Variants in AKR1C3 observed in about 807,000 individuals in gnomAD.
AKR1C3 encodes the protein aldo-keto reductase family 1 member C3, also known as 3-alpha hydroxysteroid dehydrogenase, type II.
AKR1C3 carries 48 observed loss-of-function variants against 43.6 expected under a neutral mutation model. That is an observed-to-expected ratio of 1.10 (90% CI 0.87 to 1.40). The LOEUF is 1.40. Among genes scored for constraint, AKR1C3 ranks in the 40% most tolerant of loss-of-function variants. AKR1C3 has a pLI of 0.00. For missense variants in AKR1C3, 482 were observed against 391.2 expected (o/e 1.23, Z -1.96); for synonymous variants, 162 against 139.6 (o/e 1.16, Z -1.13).
intron 1 of AKR1C3, among the ~76,000 whole-genome samples, chr10:5,059,157 A>G (rs1219308569): frequency 6.6e-6 from 1 of 152,128 alleles, no homozygotes; most frequent in Non-Finnish European, 1.5e-5. Context: ...CCCCACTATG[A>G]TGGGGCTTTG....
At chr10:5,086,320 CATTTT>C (rs1395327833) in intron 1 of AKR1C3, among the ~76,000 whole-genome samples, 1 of 151,458 alleles carries the variant, frequency 6.6e-6, no homozygotes, top group Non-Finnish European at 1.5e-5. Flanking sequence ...TTTCTGCCTT[CATTTT>C]GTTATGTACC....
intron 1 of AKR1C3, among the ~76,000 whole-genome samples, chr10:5,095,665 A>G (rs1554784989): frequency 6.6e-6 from 1 of 152,152 alleles, no homozygotes; most frequent in Non-Finnish European, 1.5e-5. Context: ...TAAGTCAGTA[A>G]TTTTAAATTT....
At chr10:5,078,646 T>C (rs537393052) in intron 1 of AKR1C3, among the ~76,000 whole-genome samples, 1 of 152,318 alleles carries the variant, frequency 6.6e-6, no homozygotes, top group East Asian at 1.9e-4. Context: ...TTCCTCAATA[T>C]GATTTTTAAA....
intron 1 of AKR1C3, among the ~76,000 whole-genome samples, chr10:5,065,235 C>T (rs1354284725): frequency 2.6e-5 from 4 of 152,220 alleles, no homozygotes; most frequent in Admixed American, 6.5e-5. Flanking sequence ...ACTATTCAAC[C>T]GAGCAATCCC....
At chr10:5,055,001 C>T (rs1370429195) in intron 1 of AKR1C3, among the ~76,000 whole-genome samples, 1 of 152,246 alleles carries the variant, frequency 6.6e-6, no homozygotes, top group Admixed American at 6.5e-5. Context: ...TTTCTTTCCA[C>T]ATTGCAGCAT....
chr10:5,106,722 CCAGCCTGAATGA>C (rs1320896207), intron 8 of AKR1C3, among the ~76,000 whole-genome samples: 1 of 149,466 alleles, frequency 6.7e-6, no homozygotes, highest in Non-Finnish European at 1.5e-5. Context: ...CCACTGCACT[CCAGCCTGAATGA>C]CAGAGTGAGG....
intron 1 of AKR1C3, among the ~76,000 whole-genome samples, chr10:5,055,213 G>T (rs2096421): frequency 0.57 from 86,237 of 152,122 alleles, 25,435 homozygotes; most frequent in East Asian, 0.79. Flanking sequence ...CAAATGAACT[G>T]CCAACTGTAT....
At chr10:5,105,109 A>G (rs1839465972) in intron 7 of AKR1C3, among the ~76,000 whole-genome samples, 1 of 152,228 alleles carries the variant, frequency 6.6e-6, no homozygotes, top group African/African-American at 2.4e-5. Context: ...TTTAGACATG[A>G]AATTGTTAGT....
chr10:5,092,569 G>T (rs572721544), upstream of AKR1C3, among the ~76,000 whole-genome samples: 2 of 147,472 alleles, frequency 1.4e-5, no homozygotes, highest in African/African-American at 2.5e-5. Context: ...TGCTCAAATT[G>T]CTGTTGAAAT....
At chr10:5,054,673 G>C (rs1231359267) in intron 1 of AKR1C3, among the ~76,000 whole-genome samples, 1 of 151,816 alleles carries the variant, frequency 6.6e-6, no homozygotes, top group Non-Finnish European at 1.5e-5. Context: ...CTGACTTTCT[G>C]TGTCTGTCCC....
At chr10:5,092,729 T>C (rs1554784507), upstream of AKR1C3, among the ~76,000 whole-genome samples, 1 of 152,082 alleles carries the variant, frequency 6.6e-6, no homozygotes, top group Non-Finnish European at 1.5e-5. Flanking sequence ...TATTTTTAAT[T>C]GGAAATTTTA....
intron 8 of AKR1C3, among the ~76,000 whole-genome samples, chr10:5,107,097 T>C (rs1839523708): frequency 6.6e-6 from 1 of 152,180 alleles, no homozygotes; most frequent in East Asian, 1.9e-4. Flanking sequence ...TATATAACAA[T>C]TTACATTTCT....
rs781926932 is a variant in AKR1C3, at chr10:5,102,563, C to G, written c.759C>G (p.Ala253=). Residue 253 remains alanine, a synonymous_variant, in exon 7 of 9, where the codon GCC becomes GCG. Transcript: ENST00000380554. Reference sequence around the variant, plus strand: ...CAAAAAAGCACAAGCGAACCCCAGCCCTGATTGCCCTGCGCTACCAGCTGC... The same window carrying G: ...CAAAAAAGCACAAGCGAACCCCAGCGCTGATTGCCCTGCGCTACCAGCTGC... The part of the protein sequence containing the change: ...ALAKKHKRTP[A]LIALRYQLQR... 1.3e-6 allele frequency: 2 copies of G among 1,565,220 alleles called. No homozygotes were observed. The highest frequency in any genetic ancestry group is 1.7e-6 in the Non-Finnish European group (2 of 1,152,746).
At chr10:5,064,975 G>C (rs1408529020) in intron 1 of AKR1C3, among the ~76,000 whole-genome samples, 1 of 148,660 alleles carries the variant, frequency 6.7e-6, no homozygotes, top group Admixed American at 6.7e-5. Flanking sequence ...TTTTTTAAAA[G>C]AAGACATACT....
At chr10:5,069,164 T>C (rs962289802) in intron 1 of AKR1C3, among the ~76,000 whole-genome samples, 7 of 152,208 alleles carry the variant, frequency 4.6e-5, no homozygotes, top group Non-Finnish European at 8.8e-5. Context: ...ATTTAACCAG[T>C]TTGCACAGAG....
chr10:5,075,553 G>C (rs1031369086), intron 1 of AKR1C3, among the ~76,000 whole-genome samples: 5 of 152,048 alleles, frequency 3.3e-5, no homozygotes, highest in African/African-American at 1.2e-4. Context: ...CTTTTCCCAA[G>C]GGAATTTGTC....
At chr10:5,095,445 G>GT (rs1491341254) in intron 1 of AKR1C3, among the ~76,000 whole-genome samples, 6 of 150,406 alleles carry the variant, frequency 4.0e-5, no homozygotes, top group African/African-American at 1.5e-4. Context: ...AAACCTTTGA[G>GT]TGTTGGCACA....
chr10:5,095,626 C>G (rs915853924), intron 1 of AKR1C3, among the ~76,000 whole-genome samples: 1 of 151,752 alleles, frequency 6.6e-6, no homozygotes, highest in South Asian at 2.1e-4. Context: ...TAAAAAATAC[C>G]TTTCAAATCT....
chr10:5,067,110 T>A (rs1554780866), intron 1 of AKR1C3, among the ~76,000 whole-genome samples: 1 of 152,248 alleles, frequency 6.6e-6, no homozygotes. Flanking sequence ...TTAAGTACAT[T>A]GGGCCTTTGT....
Sources: gnomAD v4.1 joint callset for allele counts (sites outside exome capture counted in the v4.1 genomes callset) on GRCh38, gnomAD v4.1.1 for gene constraint, MANE v1.5 for transcripts, NCBI Gene and HGNC (gene_info 2026-07-23, HGNC 2026-07-21) for gene names.